Variants in ZNF385D observed in about 807,000 individuals in gnomAD.
The protein encoded by ZNF385D is zinc finger protein 659.
A neutral mutation model predicts 35.8 loss-of-function variants in ZNF385D; 15 were observed. That is an observed-to-expected ratio of 0.42 (90% confidence interval 0.28 to 0.64). The LOEUF (loss-of-function observed/expected upper bound fraction) is 0.64, where lower values mean the gene tolerates loss of function less well. Ranked by LOEUF, ZNF385D falls within the 30% of genes least tolerant of loss-of-function variation. The pLI is 0.23. For missense variants in ZNF385D, 474 were observed against 494.6 expected (o/e 0.96, Z 0.39); for synonymous variants, 212 against 186.8 (o/e 1.13, Z -1.10).
chr3:21,779,724 A>G (rs372524142), intron 3 of ZNF385D, among the ~76,000 whole-genome samples: 1 of 151,976 alleles, frequency 6.6e-6, no homozygotes, highest in Non-Finnish European at 1.5e-5. Flanking sequence ...TCTATGACAA[A>G]AGAATAAGGA....
chr3:22,078,686 A>T (rs1465877380), intron 3 of ZNF385D, among the ~76,000 whole-genome samples: 1 of 152,068 alleles, frequency 6.6e-6, no homozygotes, highest in Non-Finnish European at 1.5e-5. Context: ...TGTTTTCAAG[A>T]TACTTCTCAG....
chr3:22,000,890 A>G (rs1169322376), intron 3 of ZNF385D, among the ~76,000 whole-genome samples: 1 of 134,534 alleles, frequency 7.4e-6, no homozygotes, highest in African/African-American at 3.5e-5. Flanking sequence ...TCCTACAAGA[A>G]ATATTTAAGG....
At chr3:22,096,019 C>T (rs1701602458) in intron 3 of ZNF385D, among the ~76,000 whole-genome samples, 1 of 151,636 alleles carries the variant, frequency 6.6e-6, no homozygotes, top group African/African-American at 2.4e-5. Context: ...TTGGAGGTTA[C>T]TTTTGAAAAT....
intron 2 of ZNF385D, among the ~76,000 whole-genome samples, chr3:21,633,783 G>T (rs1276362371): frequency 6.6e-6 from 1 of 152,034 alleles, no homozygotes; most frequent in East Asian, 1.9e-4. Flanking sequence ...TCTAACTCCA[G>T]ACTTTCCATA....
intron 3 of ZNF385D, among the ~76,000 whole-genome samples, chr3:21,770,462 T>C (rs1169202072): frequency 2.0e-5 from 3 of 152,134 alleles, no homozygotes; most frequent in African/African-American, 7.2e-5. Context: ...AGAAGACATT[T>C]ATGCAGCCAA....
chr3:22,235,985 G>A (rs1699157309), intron 2 of ZNF385D, among the ~76,000 whole-genome samples: 1 of 151,882 alleles, frequency 6.6e-6, no homozygotes, highest in Non-Finnish European at 1.5e-5. Context: ...CTATGGAGAG[G>A]GGCTCACAAA....
At chr3:22,316,313 T>G (rs1703882124) in intron 2 of ZNF385D, among the ~76,000 whole-genome samples, 1 of 152,232 alleles carries the variant, frequency 6.6e-6, no homozygotes, top group South Asian at 2.1e-4. Context: ...TTGGCTGGCC[T>G]TGTGTTAATC....
Position 22,218,525 on chromosome 3 carries a change from G to A in ZNF385D, c.107-49490C>T, listed in dbSNP as rs142391894. Among the ~76,000 whole-genome samples the A allele has an allele frequency of 6.1e-4, 93 of 151,960 alleles. 1 individual carries two copies. The highest frequency in any genetic ancestry group is 2.0e-3 in the African/African-American group (84 of 41,456). On this transcript the variant is annotated intron_variant, in intron 2 of 5. Coordinates refer to the ZNF385D transcript ENST00000494108. ...TACATACACACACAACTGTATCTGC[G>A]ATAATGGCATTTTCTCTTTTTGCTT... is the stretch of plus-strand genomic sequence containing the variant.
Position 22,205,293 on chromosome 3 carries a change from A to G in ZNF385D, c.107-36258T>C, listed in dbSNP as rs576833686. ...AAAATATCCTTCAAACAGTAAGAAG[A>G]AATAAAGATTTTCCCAGATAAGCAA... On this transcript the variant is annotated intron_variant, in intron 2 of 5. Coordinates refer to the ZNF385D transcript ENST00000494108. 4.5e-4 allele frequency among the ~76,000 whole-genome samples: 68 copies of G among 152,136 alleles called. 2 individuals carry two copies. The highest frequency in any genetic ancestry group is 1.5e-3 in the African/African-American group (62 of 41,566).
At chr3:21,809,570 C>A (rs1397030438) in intron 3 of ZNF385D, among the ~76,000 whole-genome samples, 5 of 150,406 alleles carry the variant, frequency 3.3e-5, no homozygotes, top group African/African-American at 1.2e-4. Context: ...TACAACAAAC[C>A]CTATAATCAA....
chr3:22,289,894 G>T (rs1702211444), intron 2 of ZNF385D, among the ~76,000 whole-genome samples: 1 of 152,118 alleles, frequency 6.6e-6, no homozygotes, highest in African/African-American at 2.4e-5. Flanking sequence ...TGTCAGCTCA[G>T]TTAACTCTCT....
chr3:21,798,891 G>A (rs1254241845), intron 3 of ZNF385D, among the ~76,000 whole-genome samples: 3 of 152,112 alleles, frequency 2.0e-5, no homozygotes, highest in South Asian at 4.2e-4. Flanking sequence ...CAATAATAAC[G>A]TCTATATAGT....
At chr3:21,432,852 A>C (rs1701362798) in intron 5 of ZNF385D, among the ~76,000 whole-genome samples, 1 of 152,116 alleles carries the variant, frequency 6.6e-6, no homozygotes, top group South Asian at 2.1e-4. Context: ...ATCTTATGGA[A>C]TATATATCAA....
At chr3:21,790,533 A>G (rs906925876) in intron 3 of ZNF385D, among the ~76,000 whole-genome samples, 1 of 152,200 alleles carries the variant, frequency 6.6e-6, no homozygotes, top group Non-Finnish European at 1.5e-5. Flanking sequence ...TGAAAAAAAT[A>G]AAGAGAAGAA....
chr3:22,286,899 T>C (rs143469814), intron 2 of ZNF385D, among the ~76,000 whole-genome samples: 114 of 152,236 alleles, frequency 7.5e-4, no homozygotes, highest in African/African-American at 2.6e-3. Flanking sequence ...CCATCTGCTG[T>C]AAAGTGTAGT....
At chr3:21,961,756 G>C (rs556749487) in intron 3 of ZNF385D, among the ~76,000 whole-genome samples, 1 of 152,222 alleles carries the variant, frequency 6.6e-6, no homozygotes, top group African/African-American at 2.4e-5. Context: ...CATTTCTTGA[G>C]ACATTAGTTC....
chr3:21,736,954 T>A (rs2069272130), intron 1 of ZNF385D, among the ~76,000 whole-genome samples: 1 of 152,222 alleles, frequency 6.6e-6, no homozygotes, highest in Non-Finnish European at 1.5e-5. Context: ...TTTTTTCTTT[T>A]TTTGAGGCGG....
chr3:21,517,275 A>G (rs2125489324), intron 3 of ZNF385D, among the ~76,000 whole-genome samples: 1 of 152,206 alleles, frequency 6.6e-6, no homozygotes, highest in Middle Eastern at 3.4e-3. Flanking sequence ...GAGACTTGGC[A>G]AGTAAGTGAA....
intron 2 of ZNF385D, among the ~76,000 whole-genome samples, chr3:21,616,263 G>A (rs962490627): frequency 2.0e-5 from 3 of 152,120 alleles, no homozygotes; most frequent in East Asian, 1.9e-4. Flanking sequence ...TTGAGAATCC[G>A]GGGTGACTAC....
Sources: gnomAD v4.1 joint callset for allele counts (sites outside exome capture counted in the v4.1 genomes callset) on GRCh38, gnomAD v4.1.1 for gene constraint, MANE v1.5 for transcripts, NCBI Gene and HGNC (gene_info 2026-07-23, HGNC 2026-07-21) for gene names.